The following NKAIN2 variants were observed in gnomAD, a reference collection of about 807,000 sequenced individuals.
NKAIN2 encodes the protein sodium/potassium-transporting ATPase subunit beta-1-interacting protein 2.
A neutral mutation model predicts 32.6 loss-of-function variants in NKAIN2; 14 were observed. The observed-to-expected ratio is 0.43, with a 90% CI of 0.28 to 0.67. NKAIN2 has a LOEUF of 0.67. Ranked by LOEUF, NKAIN2 falls within the 30% of genes least tolerant of loss-of-function variation. NKAIN2 has a pLI of 0.17. For synonymous variants in NKAIN2, 80 were observed against 87.2 expected (o/e 0.92, Z 0.46); for missense variants, 198 against 258.3 (o/e 0.77, Z 1.60).
At chr6:124,007,691 C>T (rs1196844811) in intron 1 of NKAIN2, among the ~76,000 whole-genome samples, 1 of 152,146 alleles carries the variant, frequency 6.6e-6, no homozygotes, top group South Asian at 2.1e-4. Context: ...TTATTACATG[C>T]GGATCTCCCA....
intron 1 of NKAIN2, among the ~76,000 whole-genome samples, chr6:124,043,660 A>G (rs549159308): frequency 6.6e-6 from 1 of 152,098 alleles, no homozygotes; most frequent in Non-Finnish European, 1.5e-5. Flanking sequence ...GATGGTAGCT[A>G]AGATCATATG....
intron 4 of NKAIN2, among the ~76,000 whole-genome samples, chr6:124,679,172 C>G (rs1167143723): frequency 2.0e-5 from 3 of 152,094 alleles, no homozygotes; most frequent in Non-Finnish European, 4.4e-5. Flanking sequence ...CTGAATATTG[C>G]AAACACATTT....
At chr6:124,437,856 A>T in intron 3 of NKAIN2, 1 of 400,288 alleles carries the variant, frequency 2.5e-6, no homozygotes. Context: ...TGTAGGGAAT[A>T]CGTACTGATC....
chr6:124,746,768 A>T (rs561438126), intron 4 of NKAIN2, among the ~76,000 whole-genome samples: 4 of 151,976 alleles, frequency 2.6e-5, no homozygotes, highest in Middle Eastern at 6.8e-3. Context: ...AAATGTAAAA[A>T]CTTCTAGACT....
chr6:124,227,151 T>C (rs1265938489), intron 1 of NKAIN2, among the ~76,000 whole-genome samples: 2 of 151,790 alleles, frequency 1.3e-5, no homozygotes, highest in East Asian at 1.9e-4. Context: ...AACCTCCTTA[T>C]TGAGTGCATT....
At chr6:124,358,157 T>G (rs1799081604) in intron 3 of NKAIN2, among the ~76,000 whole-genome samples, 1 of 152,222 alleles carries the variant, frequency 6.6e-6, no homozygotes, top group Non-Finnish European at 1.5e-5. Context: ...TGCCACATTT[T>G]CTTAATCCAG....
chr6:124,316,551 T>C (rs1796960907), intron 2 of NKAIN2, among the ~76,000 whole-genome samples: 2 of 152,168 alleles, frequency 1.3e-5, no homozygotes, highest in African/African-American at 4.8e-5. Flanking sequence ...TAAGTAATTT[T>C]ATGATCTGAT....
intron 1 of NKAIN2, among the ~76,000 whole-genome samples, chr6:123,987,478 A>G (rs1299630707): frequency 6.6e-6 from 1 of 152,188 alleles, no homozygotes; most frequent in Non-Finnish European, 1.5e-5. Flanking sequence ...GCAGTTTTGT[A>G]GGTAAGAAGC....
At chr6:124,076,794 C>G (rs1459980296) in intron 1 of NKAIN2, among the ~76,000 whole-genome samples, 1 of 152,186 alleles carries the variant, frequency 6.6e-6, no homozygotes, top group Non-Finnish European at 1.5e-5. Flanking sequence ...GAGCATAAAT[C>G]TGTAGTGCAG....
intron 1 of NKAIN2, among the ~76,000 whole-genome samples, chr6:124,156,368 T>C (rs1346751354): frequency 1.3e-5 from 2 of 152,106 alleles, no homozygotes; most frequent in African/African-American, 4.8e-5. Context: ...CTATCCTACA[T>C]ACCAGGATTT....
intron 1 of NKAIN2, among the ~76,000 whole-genome samples, chr6:123,987,053 T>C (rs1779171188): frequency 6.6e-6 from 1 of 152,286 alleles, no homozygotes; most frequent in East Asian, 1.9e-4. Context: ...GAGATGAGAA[T>C]GTAACTACCA....
At chr6:124,807,117 C>T (rs1333603090) in intron 5 of NKAIN2, among the ~76,000 whole-genome samples, 5 of 151,838 alleles carry the variant, frequency 3.3e-5, no homozygotes, top group Admixed American at 2.0e-4. Flanking sequence ...AGGAATTGAA[C>T]TCAGCTCTGC....
At chr6:124,540,150 T>C (rs931287357) in intron 3 of NKAIN2, among the ~76,000 whole-genome samples, 6 of 152,252 alleles carry the variant, frequency 3.9e-5, no homozygotes, top group African/African-American at 1.4e-4. Flanking sequence ...CCATAAAGCA[T>C]AGCAGGATAT....
chr6:124,772,789 A>G (rs1040957769), intron 4 of NKAIN2, among the ~76,000 whole-genome samples: 1 of 152,228 alleles, frequency 6.6e-6, no homozygotes. Flanking sequence ...TGTTAACGAA[A>G]AAACTCAGAC....
chr6:124,712,797 G>C (rs1775567186), intron 4 of NKAIN2, among the ~76,000 whole-genome samples: 2 of 151,940 alleles, frequency 1.3e-5, no homozygotes. Flanking sequence ...GTAGACCGGA[G>C]CTGTTCCTAT....
chr6:124,282,122 C>T, intron 1 of NKAIN2: 1 of 242,424 alleles, frequency 4.1e-6, no homozygotes. Context: ...TAAAATGGTA[C>T]TTCCGGACTA....
At position 123,839,336 on chromosome 6, in the gene NKAIN2, A is replaced by T. The variant is rs187580792; in HGVS notation, c.54+35082A>T. Among the ~76,000 whole-genome samples the T allele has an allele frequency of 7.2e-3, 1,100 of 152,232 alleles. 8 individuals carry two copies. Among genetic ancestry groups the T allele is most frequent in the African/African-American group, 0.025 (1,026 of 41,536 alleles). On this transcript the variant is annotated intron_variant, in intron 1 of 6. Coordinates refer to ENST00000368417, the MANE Select transcript of NKAIN2 (RefSeq NM_001040214.3). ...TAAGAAAAATACTGTAAAGTTATTT[A>T]AAAATGACTTATAGTCTCCTCATCT...
chr6:124,205,827 T>C (rs2114641659), intron 1 of NKAIN2, among the ~76,000 whole-genome samples: 1 of 152,004 alleles, frequency 6.6e-6, no homozygotes, highest in East Asian at 1.9e-4. Flanking sequence ...TTTGTTTAAG[T>C]AATTATAAAT....
chr6:124,421,533 C>CTG (rs1554204822), intron 3 of NKAIN2, among the ~76,000 whole-genome samples: 5 of 151,972 alleles, frequency 3.3e-5, no homozygotes, highest in Non-Finnish European at 7.4e-5. Context: ...AAGGACTTAA[C>CTG]TATAACATTT....
Sources: gnomAD v4.1 joint callset for allele counts (sites outside exome capture counted in the v4.1 genomes callset) on GRCh38, gnomAD v4.1.1 for gene constraint, MANE v1.5 for transcripts, NCBI Gene and HGNC (gene_info 2026-07-23, HGNC 2026-07-21) for gene names.